GABRG2: variants seen among roughly 807,000 people sequenced by gnomAD.
GABRG2 encodes gamma-aminobutyric acid receptor subunit gamma-2.
GABRG2 carries 16 observed loss-of-function variants against 56.4 expected under a neutral mutation model. The ratio of observed to expected loss-of-function variants is 0.28; its 90% CI spans 0.19 to 0.43. The LOEUF (loss-of-function observed/expected upper bound fraction) is 0.43. Among genes scored for constraint, GABRG2 ranks in the 20% least tolerant of loss-of-function variants. The probability of loss-of-function intolerance (pLI) is 1.00; values close to 1 mark genes in which losing one functional copy is unlikely to be tolerated. For synonymous variants in GABRG2, 208 were observed against 205.5 expected, an observed-to-expected ratio of 1.01 and a Z score of -0.10; for missense variants, 327 against 582.7, an observed-to-expected ratio of 0.56 and a Z score of 4.52.
intron 6 of GABRG2, among the ~76,000 whole-genome samples, chr5:162,120,085 C>G (rs1277309905): frequency 6.6e-6 from 1 of 152,068 alleles, no homozygotes; most frequent in Non-Finnish European, 1.5e-5. Context: ...CTGGGGTTTA[C>G]TTGAGCAGCC....
chr5:162,086,159 A>T (rs1380252445), intron 1 of GABRG2, among the ~76,000 whole-genome samples: 5 of 152,050 alleles, frequency 3.3e-5, no homozygotes, highest in Non-Finnish European at 7.4e-5. Flanking sequence ...ACCATACAAT[A>T]GCATGTTACA....
At chr5:162,091,653 G>A (rs1760600081) in intron 1 of GABRG2, among the ~76,000 whole-genome samples, 1 of 151,906 alleles carries the variant, frequency 6.6e-6, no homozygotes, top group South Asian at 2.1e-4. Flanking sequence ...AAAAAACTAG[G>A]TGATGACTCT....
chr5:162,152,039 G>T, intron 9 of GABRG2: 1 of 334,096 alleles, frequency 3.0e-6, no homozygotes, highest in Admixed American at 4.5e-5. Context: ...CCTCTTTTCA[G>T]ATGAAAATGG....
At chr5:162,138,298 A>G (rs775600015) in intron 6 of GABRG2, among the ~76,000 whole-genome samples, 2 of 152,072 alleles carry the variant, frequency 1.3e-5, no homozygotes, top group Non-Finnish European at 2.9e-5. Context: ...TCAGAAAACA[A>G]TTTTCCCAAA....
intron 6 of GABRG2, among the ~76,000 whole-genome samples, chr5:162,109,999 C>G (rs1233730397): frequency 1.3e-5 from 2 of 152,076 alleles, no homozygotes; most frequent in Non-Finnish European, 2.9e-5. Context: ...ATCCAAAACA[C>G]CAAGGTTTCA....
chr5:162,083,411 A>G (rs1326485772), intron 1 of GABRG2: 1 of 153,706 alleles, frequency 6.5e-6, no homozygotes, highest in African/African-American at 2.4e-5. Flanking sequence ...GCAAATATTT[A>G]AAAAATTATG....
chr5:162,090,045 A>C (rs1055737717), intron 1 of GABRG2, among the ~76,000 whole-genome samples: 4 of 152,172 alleles, frequency 2.6e-5, no homozygotes, highest in African/African-American at 9.6e-5. Context: ...TTTATAAGCC[A>C]CTTTTATCCT....
upstream of GABRG2, chr5:162,067,590 AT>A (rs144768060): frequency 2.4e-5 from 11 of 462,200 alleles, no homozygotes; most frequent in African/African-American, 2.2e-4. Context: ...AAGAAAAAAA[AT>A]CAAAACAAAC....
At chr5:162,095,937 G>A (rs1331449584) in intron 3 of GABRG2, among the ~76,000 whole-genome samples, 2 of 151,960 alleles carry the variant, frequency 1.3e-5, no homozygotes, top group Non-Finnish European at 2.9e-5. Context: ...TGTGTCAGAT[G>A]TAATAATAAA....
At chr5:162,087,677 C>T (rs1018283856) in intron 1 of GABRG2, among the ~76,000 whole-genome samples, 5 of 151,994 alleles carry the variant, frequency 3.3e-5, no homozygotes, top group African/African-American at 9.7e-5. Context: ...GGAACTGAGT[C>T]GAAACTCCCA....
intron 1 of GABRG2, among the ~76,000 whole-genome samples, chr5:162,085,879 T>C (rs1581323179): frequency 6.6e-6 from 1 of 151,928 alleles, no homozygotes; most frequent in Non-Finnish European, 1.5e-5. Context: ...GGTCTCCAGC[T>C]CCATTCATGT....
intron 1 of GABRG2, among the ~76,000 whole-genome samples, chr5:162,068,947 G>A (rs1023777365): frequency 6.6e-6 from 1 of 152,136 alleles, no homozygotes; most frequent in Non-Finnish European, 1.5e-5. Context: ...CCTTGCTGCA[G>A]TGTTGGAAAA....
chr5:162,114,115 A>G (rs2113440376), intron 6 of GABRG2, among the ~76,000 whole-genome samples: 1 of 152,294 alleles, frequency 6.6e-6, no homozygotes, highest in Non-Finnish European at 1.5e-5. Flanking sequence ...TGGGAAATTT[A>G]AAAGATTCTT....
chr5:162,124,562 G>T lies in GABRG2; in HGVS notation c.770-17602G>T, dbSNP rs1469325650. Reference sequence around the variant, plus strand: ...TTGTTTTGTTTTGTTTTTTGATTTTGTTTGTTTGTTTGTTTGTTTTCCTCC... The same window carrying T: ...TTGTTTTGTTTTGTTTTTTGATTTTTTTTGTTTGTTTGTTTGTTTTCCTCC... On this transcript the variant is annotated intron_variant, in intron 6 of 9. Transcript: ENST00000639213. 9.2e-5 allele frequency among the ~76,000 whole-genome samples: 14 copies of T among 151,480 alleles called. No homozygotes were observed. The Admixed American group carries it at 9.2e-4, about 10-fold the overall frequency.
chr5:162,104,088 G>A (rs1306943401), intron 6 of GABRG2, 62 bp downstream of exon 6: 2 of 1,533,410 alleles, frequency 1.3e-6, no homozygotes, highest in African/African-American at 1.4e-5. Flanking sequence ...TGGTATATAT[G>A]AATTAGAAGA....
rs115296204 is a variant in GABRG2 at position 162,106,145 on chromosome 5, A to G, written c.769+2119A>G. On this transcript the variant is annotated intron_variant, in intron 6 of 9. Coordinates refer to ENST00000639213, the MANE Select transcript of GABRG2 (RefSeq NM_198904.4). ...TAGGAGACACTTGTGGGAGAAAATT[A>G]TCTACTTACTTTAAGCATAGCAAAA... is the stretch of plus-strand genomic sequence containing the variant. Among the ~76,000 whole-genome samples, 1,174 of 152,296 alleles carry G rather than the reference A, an allele frequency of 7.7e-3. 5 individuals are homozygous for G. The highest frequency in any genetic ancestry group is 0.034 in the Middle Eastern group (10 of 294).
intron 6 of GABRG2, among the ~76,000 whole-genome samples, chr5:162,107,239 A>G (rs1466405555): frequency 6.6e-6 from 1 of 152,116 alleles, no homozygotes; most frequent in African/African-American, 2.4e-5. Context: ...AATGAAGTTA[A>G]TTTTTTAAAG....
chr5:162,101,451 C>T (rs996916558), intron 5 of GABRG2, 134 bp downstream of exon 5: 2 of 728,806 alleles, frequency 2.7e-6, no homozygotes, highest in African/African-American at 3.5e-5. Context: ...ATGATTTTGA[C>T]CATCTCTTTC....
At chr5:162,140,332 T>A (rs1764466065) in intron 6 of GABRG2, among the ~76,000 whole-genome samples, 1 of 152,202 alleles carries the variant, frequency 6.6e-6, no homozygotes, top group Admixed American at 6.5e-5. Flanking sequence ...AAGGCAGTGT[T>A]AAGAGGCATT....
Sources: allele counts gnomAD v4.1 joint callset (sites outside exome capture counted in the v4.1 genomes callset), GRCh38; gene constraint gnomAD v4.1.1; transcripts MANE v1.5; gene names NCBI Gene and HGNC (gene_info 2026-07-23, HGNC 2026-07-21).